The following CUL2 variants were observed in gnomAD, a reference collection of about 807,000 sequenced individuals.
CUL2 encodes the protein cullin 2.
CUL2 carries 22 observed loss-of-function variants against 110.2 expected under a neutral mutation model. The ratio of observed to expected loss-of-function variants is 0.20; its 90% CI spans 0.14 to 0.28. The LOEUF is 0.28. CUL2 is among the 10% of genes least tolerant of loss of function. The pLI, the probability that CUL2 is intolerant of heterozygous loss-of-function variation, is 1.00. For missense variants in CUL2, 631 were observed against 905.5 expected (o/e 0.70, Z 3.89); for synonymous variants, 279 against 293.2 (o/e 0.95, Z 0.49).
Position 35,031,453 on chromosome 10 carries a change from A to G in CUL2, c.1299+38T>C. The G allele has an allele frequency of 6.2e-7, 1 of 1,601,940 alleles. No individual in the cohort carries two copies. ...GATTTAGCATTCAGAAATAAAGTTG[A>G]CCAAAATACAAATGAAACTTTTCTG... On this transcript the variant is annotated intron_variant, in intron 13 of 20. Transcript: ENST00000374749. This position sits in a 1 kb window ranked among gnomAD's most constrained non-coding sequence, Gnocchi z 4.4.
chr10:35,058,353 A>C (rs555564710), intron 4 of CUL2, among the ~76,000 whole-genome samples: 1 of 152,320 alleles, frequency 6.6e-6, no homozygotes, highest in East Asian at 1.9e-4. Context: ...CCCCGTGGTA[A>C]GGCAAAAAGC....
chr10:35,060,571 T>G (rs2086356687), intron 4 of CUL2, among the ~76,000 whole-genome samples: 1 of 152,234 alleles, frequency 6.6e-6, no homozygotes, highest in South Asian at 2.1e-4. Context: ...CAAGTTGAAT[T>G]TTCACATTGA....
chr10:35,075,480 C>T (rs891861200), intron 1 of CUL2, among the ~76,000 whole-genome samples: 4 of 152,074 alleles, frequency 2.6e-5, no homozygotes, highest in African/African-American at 9.7e-5. Context: ...GAGATTCCCA[C>T]GCGCACTCAG....
At chr10:35,034,652 T>A (rs2085574017) in intron 10 of CUL2, among the ~76,000 whole-genome samples, 2 of 152,162 alleles carry the variant, frequency 1.3e-5, no homozygotes, top group East Asian at 3.9e-4. Context: ...TACAGTCATG[T>A]GATTGGCAAA....
chr10:35,110,119 G>A (rs889344500), intron 1 of CUL2, among the ~76,000 whole-genome samples: 2 of 152,140 alleles, frequency 1.3e-5, no homozygotes, highest in Non-Finnish European at 2.9e-5. Context: ...AGGCTGCAGT[G>A]AGCCTGATTG....
chr10:35,058,307 A>G (rs2086293766), intron 4 of CUL2, among the ~76,000 whole-genome samples: 1 of 152,184 alleles, frequency 6.6e-6, no homozygotes, highest in South Asian at 2.1e-4. Flanking sequence ...AATAACTCTT[A>G]CAAGTTTGTG....
rs2084829600 is a variant in CUL2 at position 35,009,068 on chromosome 10, T to C, written c.*1243A>G. ...TGGCGAAACCCCGTCTCTTATTTTTTTTAAAATAAAGAAAAATTGTATGTT... is the reference window on the plus strand; with the variant it reads ...TGGCGAAACCCCGTCTCTTATTTTTCTTAAAATAAAGAAAAATTGTATGTT... On this transcript the variant is annotated 3_prime_UTR_variant, in exon 21 of 21. Coordinates refer to ENST00000374749, the MANE Select transcript of CUL2 (RefSeq NM_003591.4). 6.6e-6 allele frequency: 1 copy of C among 151,508 alleles called. No individual in the cohort carries two copies. Among genetic ancestry groups the C allele is most frequent in the African/African-American group, 2.4e-5 (1 of 41,240 alleles). 9.4% of individuals were successfully genotyped at this position (151,508 alleles called of 1,614,324 possible). A position where few individuals can be genotyped will look rare whatever the true frequency, so the allele number is the denominator to read the frequency against.
At chr10:35,081,533 C>T (rs574018317) in intron 1 of CUL2, among the ~76,000 whole-genome samples, 1 of 152,284 alleles carries the variant, frequency 6.6e-6, no homozygotes, top group South Asian at 2.1e-4. Flanking sequence ...TAGGCAAGCC[C>T]ATCGTGTATG....
At chr10:35,058,807 A>T (rs192650375) in intron 4 of CUL2, among the ~76,000 whole-genome samples, 82 of 152,322 alleles carry the variant, frequency 5.4e-4, no homozygotes, top group African/African-American at 1.7e-3. Context: ...TGGACAAAAC[A>T]GCCACAGATG....
intron 1 of CUL2, among the ~76,000 whole-genome samples, chr10:35,085,865 G>T (rs144863577): frequency 2.0e-5 from 3 of 152,236 alleles, no homozygotes; most frequent in Non-Finnish European, 2.9e-5. Flanking sequence ...TTACAGCGAG[G>T]GAGGAAGGGC....
chr10:35,117,629 AC>A (rs1211694522), intron 1 of CUL2, among the ~76,000 whole-genome samples: 3 of 152,174 alleles, frequency 2.0e-5, no homozygotes, highest in African/African-American at 7.2e-5. Context: ...ATATATGGCA[AC>A]ATTGGCACAA....
rs2085436004 is a variant in CUL2, at chr10:35,029,773, T to C, written c.1387-133A>G. 5 of 565,500 alleles carry C rather than the reference T, an allele frequency of 8.8e-6. No individual in the cohort carries two copies. In the East Asian group the frequency reaches 1.7e-4, roughly 19 times the overall value. The allele number at this position is 565,500 out of a possible 1,614,324, so 35.0% of individuals were successfully genotyped here. A position where few individuals can be genotyped will look rare whatever the true frequency, so the allele number is the denominator to read the frequency against. On this transcript the variant is annotated intron_variant, in intron 14 of 20. Transcript: ENST00000374749. ...ATATACACTTATACCCAAGGACTAG[T>C]AATATATTCTTCATAAGTCAAAGCA...
chr10:35,114,390 T>G (rs998656657), intron 1 of CUL2, among the ~76,000 whole-genome samples: 1 of 151,090 alleles, frequency 6.6e-6, no homozygotes, highest in African/African-American at 2.4e-5. Context: ...TGTTGTTGTT[T>G]TTTGTTTTTT....
intron 10 of CUL2, among the ~76,000 whole-genome samples, chr10:35,033,524 C>T (rs2085531006): frequency 6.6e-6 from 1 of 152,026 alleles, no homozygotes; most frequent in Non-Finnish European, 1.5e-5. Context: ...ATCATGAGGT[C>T]AGGAGATCGA....
intron 5 of CUL2, among the ~76,000 whole-genome samples, chr10:35,050,322 CAA>C (rs71523355): frequency 6.6e-5 from 6 of 90,950 alleles, no homozygotes; most frequent in Non-Finnish European, 9.2e-5. Context: ...GACTCCGTCT[CAA>C]AAAAAAAAAA....
chr10:35,025,258 T>G lies in CUL2; in HGVS notation c.1618-60A>C, dbSNP rs1588961137. The G allele has an allele frequency of 3.3e-6, 5 of 1,511,344 alleles. No individual in the cohort carries two copies. In the East Asian group the frequency reaches 1.2e-4, roughly 36 times the overall value. The allele number at this position is 1,511,344 out of a possible 1,614,324, so 93.6% of individuals were successfully genotyped here. On this transcript the variant is annotated intron_variant, in intron 16 of 20. Transcript: ENST00000374749. ...AGCTACTATAACTTGCCTAGTTAATTAACACAATACTACAAAAGCAATGAA... is the reference window on the plus strand; with the variant it reads ...AGCTACTATAACTTGCCTAGTTAATGAACACAATACTACAAAAGCAATGAA...
intron 4 of CUL2, among the ~76,000 whole-genome samples, chr10:35,056,305 C>T (rs886666145): frequency 5.9e-5 from 9 of 152,124 alleles, no homozygotes; most frequent in Admixed American, 3.3e-4. Flanking sequence ...GGAAAAGCAG[C>T]CTGCAGCCAG....
intron 17 of CUL2, among the ~76,000 whole-genome samples, chr10:35,023,702 T>C (rs1315976986): frequency 6.6e-6 from 1 of 151,440 alleles, no homozygotes; most frequent in African/African-American, 2.4e-5. Context: ...CAGATATTCA[T>C]GGAAAGTAAA....
intron 1 of CUL2, among the ~76,000 whole-genome samples, chr10:35,071,692 A>G (rs11010084): frequency 0.42 from 64,134 of 151,910 alleles, 13,749 homozygotes; most frequent in African/African-American, 0.5. Context: ...ACAGGCATGA[A>G]CCATCACACC....
Sources: gnomAD v4.1 joint callset for allele counts (sites outside exome capture counted in the v4.1 genomes callset) on GRCh38, gnomAD v4.1.1 for gene constraint, Gnocchi (gnomAD v3.1) non-coding constraint, MANE v1.5 for transcripts, NCBI Gene and HGNC (gene_info 2026-07-23, HGNC 2026-07-21) for gene names.